The following FHIT variants were observed in gnomAD, a reference collection of about 807,000 sequenced individuals.
The protein encoded by FHIT is bis(5'-adenosyl)-triphosphatase.
Under a neutral mutation model 17.9 loss-of-function variants are expected in FHIT, and 19 were observed. That is an observed-to-expected ratio of 1.06 (90% CI 0.74 to 1.56). FHIT has a LOEUF of 1.56. Ranked by LOEUF, FHIT falls within the 40% of genes most tolerant of loss-of-function variation. The probability of loss-of-function intolerance (pLI) is 0.00; values close to 1 mark genes in which losing one functional copy is unlikely to be tolerated. For synonymous variants in FHIT, 81 were observed against 69.7 expected (o/e 1.16, Z -0.81); for missense variants, 248 against 189.2 (o/e 1.31, Z -1.82).
intron 3 of FHIT, among the ~76,000 whole-genome samples, chr3:60,881,733 A>C (rs1429050449): frequency 2.0e-5 from 3 of 152,194 alleles, no homozygotes; most frequent in African/African-American, 7.2e-5. Context: ...AGCACAACAT[A>C]TCAAAACTTA....
chr3:59,978,467 T>C (rs1214702999), intron 7 of FHIT, among the ~76,000 whole-genome samples: 1 of 151,958 alleles, frequency 6.6e-6, no homozygotes, highest in African/African-American at 2.4e-5. Flanking sequence ...GTAAATATTT[T>C]AAATATTATT....
chr3:59,864,099 G>A (rs1408234197), intron 8 of FHIT, among the ~76,000 whole-genome samples: 1 of 152,144 alleles, frequency 6.6e-6, no homozygotes, highest in East Asian at 1.9e-4. Context: ...ACAGTGATCG[G>A]CCTATATTCT....
At chr3:60,706,251 G>T (rs576256844) in intron 4 of FHIT, among the ~76,000 whole-genome samples, 1 of 151,778 alleles carries the variant, frequency 6.6e-6, no homozygotes, top group Admixed American at 6.6e-5. Context: ...TGGGGGTTTG[G>T]GGGGCAAGGG....
chr3:60,219,970 C>G (rs189812123), intron 5 of FHIT, among the ~76,000 whole-genome samples: 2 of 152,268 alleles, frequency 1.3e-5, no homozygotes, highest in East Asian at 3.9e-4. Flanking sequence ...TCTGTACTTG[C>G]AGCCGAGGAA....
At chr3:60,741,278 T>G (rs1273446689) in intron 4 of FHIT, among the ~76,000 whole-genome samples, 1 of 152,222 alleles carries the variant, frequency 6.6e-6, no homozygotes, top group Non-Finnish European at 1.5e-5. Flanking sequence ...CCTACTGTGT[T>G]GTGCCAAGTT....
At chr3:60,740,333 T>G (rs1577144107) in intron 4 of FHIT, among the ~76,000 whole-genome samples, 1 of 152,176 alleles carries the variant, frequency 6.6e-6, no homozygotes, top group East Asian at 1.9e-4. Flanking sequence ...GGCAATTCAT[T>G]AACCCCTTCA....
At chr3:60,130,789 G>GTA (rs1395189482) in intron 5 of FHIT, among the ~76,000 whole-genome samples, 8 of 135,996 alleles carry the variant, frequency 5.9e-5, no homozygotes, top group African/African-American at 2.1e-4. Context: ...TGTGTGGTGT[G>GTA]TATATACACA....
At chr3:60,758,933 G>T (rs1316794732) in intron 4 of FHIT, among the ~76,000 whole-genome samples, 1 of 152,126 alleles carries the variant, frequency 6.6e-6, no homozygotes, top group Non-Finnish European at 1.5e-5. Flanking sequence ...TTTCTTAAAA[G>T]GTGATAATCT....
intron 8 of FHIT, among the ~76,000 whole-genome samples, chr3:59,834,696 G>A (rs1701280915): frequency 6.6e-6 from 1 of 152,114 alleles, no homozygotes; most frequent in South Asian, 2.1e-4. Flanking sequence ...CTATCCTCAT[G>A]GCTTAATCAC....
chr3:61,168,630 G>A (rs974562928), intron 2 of FHIT, among the ~76,000 whole-genome samples: 1 of 152,206 alleles, frequency 6.6e-6, no homozygotes, highest in Non-Finnish European at 1.5e-5. Flanking sequence ...CTCCACTCCT[G>A]CATTCACTGG....
chr3:60,972,914 C>A (rs1710083261), intron 3 of FHIT, among the ~76,000 whole-genome samples: 1 of 152,018 alleles, frequency 6.6e-6, no homozygotes, highest in Non-Finnish European at 1.5e-5. Flanking sequence ...ACATTTGATT[C>A]CTTTCATAGG....
At position 60,808,945 on chromosome 3, in the gene FHIT, A is replaced by G. The variant is rs72884593; in HGVS notation, c.-18+12974T>C. 5.7e-3 allele frequency among the ~76,000 whole-genome samples: 863 copies of G among 152,308 alleles called. 9 individuals are homozygous for G. Among genetic ancestry groups the G allele is most frequent in the African/African-American group, 0.02 (819 of 41,570 alleles). ...CTATAAATTTTATTCAACATACACG[A>G]AACAGTTTTTGTATGTGAGATCTGT... On this transcript the variant is annotated intron_variant, in intron 4 of 9. Coordinates refer to ENST00000492590, the MANE Select transcript of FHIT (RefSeq NM_002012.4).
chr3:60,922,080 G>T (rs1383302844), intron 3 of FHIT, among the ~76,000 whole-genome samples: 1 of 152,178 alleles, frequency 6.6e-6, no homozygotes, highest in Non-Finnish European at 1.5e-5. Context: ...AACCTTAAAA[G>T]AGAGTCTAGA....
At chr3:60,445,398 A>G (rs1032583151) in intron 5 of FHIT, among the ~76,000 whole-genome samples, 5 of 151,920 alleles carry the variant, frequency 3.3e-5, no homozygotes, top group African/African-American at 1.2e-4. Flanking sequence ...AGCAATTATG[A>G]TACGTTTCTT....
chr3:60,568,712 C>A (rs967245839), intron 4 of FHIT, among the ~76,000 whole-genome samples: 2 of 152,140 alleles, frequency 1.3e-5, no homozygotes, highest in African/African-American at 4.8e-5. Flanking sequence ...ACCACTGGAA[C>A]TCAACCTTTA....
intron 5 of FHIT, among the ~76,000 whole-genome samples, chr3:60,243,063 T>TAA (rs79498697): frequency 3.1e-5 from 4 of 128,494 alleles, no homozygotes; most frequent in African/African-American, 5.6e-5. Flanking sequence ...AGTCCAAAAC[T>TAA]AAAAAAAAAA....
At chr3:61,165,332 C>T (rs115876203) in intron 2 of FHIT, among the ~76,000 whole-genome samples, 2,133 of 152,214 alleles carry the variant, frequency 0.014, 54 homozygotes, top group African/African-American at 0.048. Context: ...AATAGCCATT[C>T]TGACAGTGTG....
intron 2 of FHIT, among the ~76,000 whole-genome samples, chr3:61,116,703 C>T (rs913158717): frequency 3.3e-5 from 5 of 152,060 alleles, no homozygotes; most frequent in African/African-American, 1.2e-4. Flanking sequence ...AAGTATCTTT[C>T]AAAGCACCAT....
At chr3:60,105,178 A>G (rs927418212) in intron 5 of FHIT, among the ~76,000 whole-genome samples, 5 of 152,128 alleles carry the variant, frequency 3.3e-5, no homozygotes, top group African/African-American at 1.2e-4. Context: ...ATACGGCTTC[A>G]CTTAACAAGG....
Sources: allele counts gnomAD v4.1 joint callset (sites outside exome capture counted in the v4.1 genomes callset), GRCh38; gene constraint gnomAD v4.1.1; transcripts MANE v1.5; gene names NCBI Gene and HGNC (gene_info 2026-07-23, HGNC 2026-07-21).